The following CEP83 variants were observed in gnomAD, a reference collection of about 807,000 sequenced individuals.
The protein encoded by CEP83 is centrosomal protein 83.
A neutral mutation model predicts 101.9 loss-of-function variants in CEP83; 70 were observed. The observed-to-expected ratio is 0.69, with a 90% CI of 0.57 to 0.84. The LOEUF (loss-of-function observed/expected upper bound fraction) is 0.84. Among genes scored for constraint, CEP83 ranks in the 40% least tolerant of loss-of-function variants. The pLI is 0.00. For missense variants in CEP83, 715 were observed against 787.2 expected (o/e 0.91, Z 1.10); for synonymous variants, 264 against 267.9 (o/e 0.99, Z 0.14).
intron 1 of CEP83, among the ~76,000 whole-genome samples, chr12:94,439,331 A>C (rs943095084): frequency 2.0e-5 from 3 of 152,162 alleles, no homozygotes; most frequent in African/African-American, 7.2e-5. Context: ...ATTAGAAACA[A>C]AATAGGAGAT....
the CEP83 span, among the ~76,000 whole-genome samples, chr12:94,288,564 C>G: frequency 2.0e-5 from 3 of 152,222 alleles, no homozygotes; most frequent in African/African-American, 4.8e-5. Context: ...TGTAAGCCCT[C>G]CCCTGGATGT....
intron 6 of CEP83, among the ~76,000 whole-genome samples, chr12:94,391,153 GC>G (rs2062502308): frequency 6.6e-6 from 1 of 152,128 alleles, no homozygotes; most frequent in South Asian, 2.1e-4. Context: ...CTCGAGAAGA[GC>G]AACTCCAAGA....
chr12:94,313,484 A>G (rs1379884376), intron 14 of CEP83, among the ~76,000 whole-genome samples: 1 of 143,786 alleles, frequency 7.0e-6, no homozygotes, highest in African/African-American at 2.6e-5. Context: ...ACAGTTAGCT[A>G]TGACTGTGCC....
chr12:94,271,175 TTTTA>T, the CEP83 span, among the ~76,000 whole-genome samples: 7 of 152,234 alleles, frequency 4.6e-5, no homozygotes, highest in African/African-American at 1.7e-4. Context: ...ATTTTATAGG[TTTTA>T]TTTAATGAAA....
intron 11 of CEP83, among the ~76,000 whole-genome samples, chr12:94,361,915 G>C (rs112329647): frequency 0.043 from 6,479 of 152,112 alleles, 415 homozygotes; most frequent in African/African-American, 0.14. Context: ...TGGTCAGGCT[G>C]GTCTTGTACT....
chr12:94,415,439 G>C (rs2064193554), intron 2 of CEP83, among the ~76,000 whole-genome samples: 1 of 152,022 alleles, frequency 6.6e-6, no homozygotes, highest in Non-Finnish European at 1.5e-5. Flanking sequence ...AAAGTAAATT[G>C]TTTATAGGTT....
intron 16 of CEP83, among the ~76,000 whole-genome samples, chr12:94,309,708 C>A (rs1437095782): frequency 1.3e-5 from 2 of 152,126 alleles, no homozygotes; most frequent in African/African-American, 4.8e-5. Context: ...AGCACCAACA[C>A]TAAAGGATCA....
the CEP83 span, among the ~76,000 whole-genome samples, chr12:94,274,155 T>TAAAAAAAAAAAAAA: frequency 2.2e-4 from 10 of 45,370 alleles, 1 homozygote; most frequent in East Asian, 2.1e-3. Context: ...ACCCTGTCTC[T>TAAAAAAAAAAAAAA]AAAAAAAAAA....
intron 1 of CEP83, among the ~76,000 whole-genome samples, chr12:94,445,620 C>T (rs1000916882): frequency 6.6e-6 from 1 of 152,152 alleles, no homozygotes; most frequent in Non-Finnish European, 1.5e-5. Context: ...GAATAAAGAA[C>T]TCTCAAAACT....
rs139674021 is a variant in CEP83 at position 94,329,669 on chromosome 12, A to G, written c.1707+2031T>C. ...AAATTTCTTGCTGTAACACGGCTTC[A>G]GATGTTTCTAGGCTTCAAACACAGT... On this transcript the variant is annotated intron_variant, in intron 14 of 16. Transcript: ENST00000397809. 7.9e-4 allele frequency among the ~76,000 whole-genome samples: 120 copies of G among 152,340 alleles called. 1 individual carries two copies. The East Asian group carries it at 0.022, about 28-fold the overall frequency.
At chr12:94,287,798 G>C in the CEP83 span, among the ~76,000 whole-genome samples, 10 of 152,220 alleles carry the variant, frequency 6.6e-5, no homozygotes, top group African/African-American at 2.4e-4. Flanking sequence ...GTTGCAGTGT[G>C]AATGTCTTTA....
chr12:94,273,637 G>GC, the CEP83 span, among the ~76,000 whole-genome samples: 1 of 152,126 alleles, frequency 6.6e-6, no homozygotes, highest in Non-Finnish European at 1.5e-5. Context: ...TGTTGTATAT[G>GC]CCCCACAGTT....
chr12:94,322,455 G>T (rs2058788432), intron 14 of CEP83, among the ~76,000 whole-genome samples: 1 of 152,220 alleles, frequency 6.6e-6, no homozygotes, highest in Admixed American at 6.5e-5. Context: ...TAGAGCAGTT[G>T]TGCTGTGAGG....
At chr12:94,359,129 G>A (rs111985677) in intron 11 of CEP83, among the ~76,000 whole-genome samples, 4,664 of 152,278 alleles carry the variant, frequency 0.031, 221 homozygotes, top group African/African-American at 0.1. Context: ...TAGAAACAAT[G>A]CTAATGACTG....
intron 2 of CEP83, among the ~76,000 whole-genome samples, chr12:94,421,342 A>G (rs913650598): frequency 6.6e-6 from 1 of 152,180 alleles, no homozygotes; most frequent in African/African-American, 2.4e-5. Flanking sequence ...TACAGGAATG[A>G]GCCACTGCAA....
intron 1 of CEP83, among the ~76,000 whole-genome samples, chr12:94,435,985 A>G (rs1008064728): frequency 6.6e-6 from 1 of 151,974 alleles, no homozygotes. Context: ...CGGTAATAAC[A>G]ATCACCTCAG....
the CEP83 span, among the ~76,000 whole-genome samples, chr12:94,292,938 T>A: frequency 7.8e-4 from 119 of 152,334 alleles, 1 homozygote; most frequent in East Asian, 0.022. Flanking sequence ...CAAGTGAGCA[T>A]ATCCTGAAAC....
At chr12:94,324,623 T>G (rs1320489182) in intron 14 of CEP83, among the ~76,000 whole-genome samples, 1 of 152,206 alleles carries the variant, frequency 6.6e-6, no homozygotes, top group Non-Finnish European at 1.5e-5. Context: ...TCTATTTTCC[T>G]CACTGTACAT....
the CEP83 span, among the ~76,000 whole-genome samples, chr12:94,286,297 G>A: frequency 6.6e-6 from 1 of 152,122 alleles, no homozygotes; most frequent in Non-Finnish European, 1.5e-5. Context: ...GAGCCTGAAG[G>A]AAACGGGAGG....
Sources: allele counts gnomAD v4.1 joint callset (sites outside exome capture counted in the v4.1 genomes callset), GRCh38; gene constraint gnomAD v4.1.1; transcripts MANE v1.5; gene names NCBI Gene and HGNC (gene_info 2026-07-23, HGNC 2026-07-21).